TMEM41B: variants seen among roughly 807,000 people sequenced by gnomAD.
TMEM41B encodes the protein transmembrane protein 41B.
A neutral mutation model predicts 31.9 loss-of-function variants in TMEM41B; 18 were observed. The ratio of observed to expected loss-of-function variants is 0.56; its 90% confidence interval spans 0.39 to 0.84. The LOEUF is 0.84. Ranked by LOEUF, TMEM41B falls within the 40% of genes least tolerant of loss-of-function variation. The pLI is 0.00. For synonymous variants in TMEM41B, 144 were observed against 124.3 expected (o/e 1.16, Z -1.05); for missense variants, 322 against 348.0 (o/e 0.93, Z 0.59).
chr11:9,306,600 G>GGC (rs1235549725), intron 1 of TMEM41B, among the ~76,000 whole-genome samples: 1 of 152,040 alleles, frequency 6.6e-6, no homozygotes, highest in East Asian at 1.9e-4. Context: ...GCAGGAAATC[G>GGC]GCATTAACCC....
intron 1 of TMEM41B, chr11:9,311,404 G>A (rs1853557346): frequency 2.8e-6 from 4 of 1,413,088 alleles, no homozygotes; most frequent in Non-Finnish European, 4.0e-6. Context: ...ACCATGCCAG[G>A]AGCCAAGGGA....
At chr11:9,299,325 TAC>T (rs139794462) in intron 2 of TMEM41B, among the ~76,000 whole-genome samples, 44 of 123,146 alleles carry the variant, frequency 3.6e-4, no homozygotes, top group African/African-American at 1.0e-3. Flanking sequence ...TATACATACA[TAC>T]ACACACACAC....
rs527958969 is a variant in TMEM41B at position 9,288,685 on chromosome 11, A to T, written c.369-150T>A. Reference sequence around the variant, plus strand: ...AGCCTCTAAGTTGACCATTTACTAAACAGTATCATAAATACTAGTAAGTGT... The same window carrying T: ...AGCCTCTAAGTTGACCATTTACTAATCAGTATCATAAATACTAGTAAGTGT... On this transcript the variant is annotated intron_variant, in intron 3 of 6. Transcript: ENST00000528080. 3.8e-5 allele frequency: 21 copies of T among 546,872 alleles called. No individual in the cohort carries two copies. The South Asian group carries it at 6.3e-4, about 16-fold the overall frequency. 33.9% of individuals were successfully genotyped at this position (546,872 alleles called of 1,614,324 possible). A position where few individuals can be genotyped will look rare whatever the true frequency, so the allele number is the denominator to read the frequency against.
chr11:9,310,959 G>A (rs1564969686), intron 1 of TMEM41B, among the ~76,000 whole-genome samples: 1 of 151,906 alleles, frequency 6.6e-6, no homozygotes, highest in Non-Finnish European at 1.5e-5. Flanking sequence ...CCAATCATGA[G>A]TATTATAAGC....
intron 1 of TMEM41B, among the ~76,000 whole-genome samples, chr11:9,310,432 CTCT>C (rs773499858): frequency 7.9e-5 from 12 of 152,002 alleles, no homozygotes; most frequent in African/African-American, 1.7e-4. Flanking sequence ...CTGATATTTT[CTCT>C]TCTATTCCAT....
Position 9,283,377 on chromosome 11 carries a change from A to G in TMEM41B, c.*47T>C. ...AAAACATAAATGGATGCACCTGTTA[A>G]TCCTGAGATGGTGATGACAGCAAAA... On this transcript the variant is annotated 3_prime_UTR_variant, in exon 7 of 7. Transcript: ENST00000528080. 1 of 1,470,804 alleles carries G rather than the reference A, an allele frequency of 6.8e-7. No individual in the cohort carries two copies. The highest frequency in any genetic ancestry group is 9.3e-7 in the Non-Finnish European group (1 of 1,074,302). The allele number at this position is 1,470,804 out of a possible 1,614,324, so 91.1% of individuals were successfully genotyped here. A position where few individuals can be genotyped will look rare whatever the true frequency, so the allele number is the denominator to read the frequency against.
intron 1 of TMEM41B, among the ~76,000 whole-genome samples, chr11:9,300,618 C>T (rs180810256): frequency 2.0e-5 from 3 of 152,230 alleles, no homozygotes; most frequent in Admixed American, 2.0e-4. Context: ...GTGGCTCACG[C>T]CTGTAATCCC....
intron 1 of TMEM41B, among the ~76,000 whole-genome samples, chr11:9,311,058 A>C (rs1590392127): frequency 6.6e-6 from 1 of 152,188 alleles, no homozygotes; most frequent in Admixed American, 6.5e-5. Context: ...TGCTAAACTC[A>C]TTAGCTATAT....
chr11:9,285,088 CTTT>C (rs11405419), intron 6 of TMEM41B, among the ~76,000 whole-genome samples: 8 of 131,192 alleles, frequency 6.1e-5, no homozygotes, highest in African/African-American at 1.1e-4. Context: ...TTCCTTCTTT[CTTT>C]TTTTTTTTTT....
intron 1 of TMEM41B, among the ~76,000 whole-genome samples, chr11:9,304,101 A>G (rs1853323132): frequency 6.6e-6 from 1 of 152,214 alleles, no homozygotes; most frequent in Admixed American, 6.5e-5. Flanking sequence ...GTACCTTCTG[A>G]TGGAACAATA....
In TMEM41B at chr11:9,283,844, G is replaced by C. The variant is rs11042261; in HGVS notation, c.707-251C>G. 9.9e-4 allele frequency among the ~76,000 whole-genome samples: 150 copies of C among 151,746 alleles called. 1 individual carries two copies. The East Asian group carries it at 0.023, about 23-fold the overall frequency. On this transcript the variant is annotated intron_variant, in intron 6 of 6. Coordinates refer to ENST00000528080, the MANE Select transcript of TMEM41B (RefSeq NM_015012.4). The stretch of plus-strand genomic sequence containing the variant: ...TTGTTGCCCCCGCTGGAACACGATG[G>C]CGCGATCTTGGCTCACTGCAACCTC...
chr11:9,294,157 G>T (rs1853022170), intron 3 of TMEM41B, among the ~76,000 whole-genome samples: 1 of 130,602 alleles, frequency 7.7e-6, no homozygotes, highest in Non-Finnish European at 1.5e-5. Context: ...CTCCAGCCTG[G>T]GTGACAGGGG....
chr11:9,299,354 A>T (rs916490338), intron 2 of TMEM41B, among the ~76,000 whole-genome samples: 1 of 138,994 alleles, frequency 7.2e-6, no homozygotes, highest in Admixed American at 7.4e-5. Flanking sequence ...ACGTGTGTGT[A>T]TATAAATATA....
chr11:9,306,431 C>T (rs972328558), intron 1 of TMEM41B, among the ~76,000 whole-genome samples: 2 of 152,046 alleles, frequency 1.3e-5, no homozygotes, highest in African/African-American at 4.8e-5. Flanking sequence ...GCCTGTAATC[C>T]CAGCACTTTG....
intron 1 of TMEM41B, among the ~76,000 whole-genome samples, chr11:9,304,209 T>G (rs77944496): frequency 6.6e-6 from 1 of 152,204 alleles, no homozygotes; most frequent in African/African-American, 2.4e-5. Context: ...AAACACACTT[T>G]AAACATCTCA....
At chr11:9,312,907 A>T (rs954982562) in intron 1 of TMEM41B, among the ~76,000 whole-genome samples, 1 of 148,242 alleles carries the variant, frequency 6.7e-6, no homozygotes, top group Non-Finnish European at 1.5e-5. Context: ...CCGTCTCAAA[A>T]AAAAAAAAAA....
intron 1 of TMEM41B, among the ~76,000 whole-genome samples, chr11:9,310,009 G>T (rs1328709012): frequency 2.7e-5 from 4 of 150,868 alleles, no homozygotes; most frequent in African/African-American, 4.9e-5. Context: ...AATCTTTTTT[G>T]ATTGTGTTCC....
At chr11:9,298,326 G>A (rs1465490150) in intron 2 of TMEM41B, among the ~76,000 whole-genome samples, 2 of 151,568 alleles carry the variant, frequency 1.3e-5, no homozygotes, top group African/African-American at 2.4e-5. Context: ...GGGTGTGGTG[G>A]TGCACACCTG....
At chr11:9,312,681 G>A (rs969211193) in intron 1 of TMEM41B, among the ~76,000 whole-genome samples, 14 of 152,050 alleles carry the variant, frequency 9.2e-5, no homozygotes, top group African/African-American at 2.7e-4. Flanking sequence ...CGAGGCGGGC[G>A]GATCAACAGG....
Sources: gnomAD v4.1 joint callset for allele counts (sites outside exome capture counted in the v4.1 genomes callset) on GRCh38, gnomAD v4.1.1 for gene constraint, MANE v1.5 for transcripts, NCBI Gene and HGNC (gene_info 2026-07-23, HGNC 2026-07-21) for gene names.